ATIC: variants seen among roughly 807,000 people sequenced by gnomAD.
ATIC encodes 5-aminoimidazole-4-carboxamide ribonucleotide formyltransferase/IMP cyclohydrolase.
Under a neutral mutation model 72.5 loss-of-function variants are expected in ATIC, and 64 were observed. The ratio of observed to expected loss-of-function variants is 0.88; its 90% CI spans 0.72 to 1.09. ATIC has a LOEUF of 1.09. ATIC is among the 50% of genes least tolerant of loss of function. ATIC has a pLI of 0.00. For synonymous variants in ATIC, 281 were observed against 267.1 expected (o/e 1.05, Z -0.51); for missense variants, 787 against 732.4 (o/e 1.07, Z -0.86).
chr2:215,314,382 C>T (rs995471180), intron 2 of ATIC, among the ~76,000 whole-genome samples: 1 of 152,136 alleles, frequency 6.6e-6, no homozygotes, highest in African/African-American at 2.4e-5. Flanking sequence ...CTCTTATAGT[C>T]CTTATAACAA....
intron 13 of ATIC, chr2:215,345,338 TTAAAA>T: frequency 4.5e-6 from 1 of 221,866 alleles, no homozygotes; most frequent in East Asian, 1.1e-4. Context: ...AACTTCATCT[TTAAAA>T]AGTTAGGTTC....
chr2:215,312,980 C>T (rs893691431), intron 2 of ATIC, among the ~76,000 whole-genome samples: 2 of 152,108 alleles, frequency 1.3e-5, no homozygotes, highest in African/African-American at 4.8e-5. Context: ...GCCTGTAATC[C>T]CAGCTACTGG....
intron 4 of ATIC, among the ~76,000 whole-genome samples, chr2:215,323,880 T>C (rs893720633): frequency 6.6e-6 from 1 of 152,176 alleles, no homozygotes; most frequent in Admixed American, 6.5e-5. Flanking sequence ...TTTAAGTGAT[T>C]ATCTTGCTTC....
intron 13 of ATIC, 132 bp downstream of exon 13, chr2:215,345,003 G>T: frequency 2.0e-6 from 2 of 985,936 alleles, no homozygotes; most frequent in Non-Finnish European, 3.1e-6. Flanking sequence ...GTGTTTGTCA[G>T]TGTTTCCTCA....
chr2:215,355,290 C>T, the ATIC span, among the ~76,000 whole-genome samples: 7 of 152,084 alleles, frequency 4.6e-5, no homozygotes, highest in Admixed American at 3.9e-4. Context: ...TTCAATCATT[C>T]GAAACGTCAA....
At chr2:215,337,566 C>T (rs975741934) in intron 11 of ATIC, among the ~76,000 whole-genome samples, 1 of 152,134 alleles carries the variant, frequency 6.6e-6, no homozygotes, top group African/African-American at 2.4e-5. Flanking sequence ...AGGGTTTCAC[C>T]ATGTTGGCCA....
the ATIC span, among the ~76,000 whole-genome samples, chr2:215,356,163 G>A: frequency 6.6e-6 from 1 of 152,244 alleles, no homozygotes; most frequent in South Asian, 2.1e-4. Context: ...AAATATTGCG[G>A]GCACTTAAAA....
the ATIC span, among the ~76,000 whole-genome samples, chr2:215,368,482 T>C: frequency 4.6e-5 from 7 of 152,274 alleles, no homozygotes; most frequent in South Asian, 1.0e-3. Flanking sequence ...TCCTGGGGAA[T>C]CTTGTGAAGA....
intron 9 of ATIC, among the ~76,000 whole-genome samples, chr2:215,334,712 T>G (rs1290572843): frequency 6.6e-6 from 1 of 152,188 alleles, no homozygotes; most frequent in Non-Finnish European, 1.5e-5. Context: ...CAGAAAAAGT[T>G]TTCTGAGTGT....
rs2052916801 is a variant in ATIC, at chr2:215,333,389, A to T, written c.854A>T (p.Lys285Ile). The T allele has an allele frequency of 3.1e-6, 5 of 1,614,140 alleles. No individual in the cohort carries two copies. In the South Asian group the frequency reaches 5.5e-5, roughly 18 times the overall value. ...VGIPLSEDEA[K>I]VCMVYDLYKT... ...ATTCCACTCAGTGAAGATGAGGCCAAAGTCTGCATGGTTTATGATCTCTAT... is the reference window on the plus strand; with the variant it reads ...ATTCCACTCAGTGAAGATGAGGCCATAGTCTGCATGGTTTATGATCTCTAT... Residue 285 changes from lysine (K) to isoleucine (I), a missense_variant, in exon 9 of 16, where the codon AAA (lysine) becomes ATA (isoleucine). Transcript: ENST00000236959.
At chr2:215,351,552 C>T (rs773129073), downstream of ATIC, among the ~76,000 whole-genome samples, 2 of 152,066 alleles carry the variant, frequency 1.3e-5, no homozygotes, top group Non-Finnish European at 2.9e-5. Context: ...AGTTCAAGAC[C>T]AGCCTGGGCA....
intron 2 of ATIC, 63 bp downstream of exon 2, chr2:215,312,687 C>G: frequency 8.1e-6 from 13 of 1,611,806 alleles, no homozygotes; most frequent in Non-Finnish European, 1.1e-5. Flanking sequence ...GTATTGTATT[C>G]CAGGCACCAG....
At chr2:215,368,123 C>G in the ATIC span, 1 of 1,284,308 alleles carries the variant, frequency 7.8e-7, no homozygotes, top group African/African-American at 1.5e-5. Flanking sequence ...ATGACTTAAT[C>G]TAAAACAAGA....
At chr2:215,336,509 A>ATT (rs1355175195) in intron 11 of ATIC, among the ~76,000 whole-genome samples, 1 of 152,246 alleles carries the variant, frequency 6.6e-6, no homozygotes, top group Non-Finnish European at 1.5e-5. Flanking sequence ...TAGTAACAAT[A>ATT]TTTAATGGAA....
intron 8 of ATIC, 117 bp downstream of exon 8, chr2:215,332,624 C>A: frequency 7.6e-7 from 1 of 1,314,080 alleles, no homozygotes; most frequent in South Asian, 1.4e-5. Flanking sequence ...ATCTGAAAGT[C>A]ATCTGTTGAT....
chr2:215,338,858 G>A lies in ATIC; in HGVS notation c.1178G>A (p.Gly393Asp), dbSNP rs1342542437. Residue 393 changes from glycine to aspartate, a missense_variant, in exon 12 of 16, where the codon GGT (glycine) becomes GAT (aspartate). Coordinates refer to ENST00000236959, the MANE Select transcript of ATIC (RefSeq NM_004044.7). ...GLHLSQKRNN[G>D]VVDKSLFSNV... ...CATTTAAGCCAGAAGAGAAATAATG[G>A]TGTCGTCGACAAGTCATTATTTAGC... is the stretch of plus-strand genomic sequence containing the variant. 2 of 1,613,812 alleles carry A rather than the reference G, an allele frequency of 1.2e-6. No individual in the cohort carries two copies. Among genetic ancestry groups the A allele is most frequent in the Admixed American group, 1.7e-5 (1 of 60,012 alleles).
chr2:215,321,472 C>T (rs141006064), intron 4 of ATIC, among the ~76,000 whole-genome samples: 13 of 152,238 alleles, frequency 8.5e-5, no homozygotes, highest in African/African-American at 2.2e-4. Flanking sequence ...TGGACATACA[C>T]ATTCGTTTCA....
intron 7 of ATIC, among the ~76,000 whole-genome samples, chr2:215,327,555 T>C (rs2052842650): frequency 6.6e-6 from 1 of 152,198 alleles, no homozygotes. Context: ...AGAGAGGGTT[T>C]TTAAATGTGT....
At position 215,336,053 on chromosome 2, in the gene ATIC, G is replaced by T. The variant is rs761821880; in HGVS notation, c.1027G>T (p.Ala343Ser). 2 of 1,611,418 alleles carry T rather than the reference G, an allele frequency of 1.2e-6. No homozygotes were observed. The highest frequency in any genetic ancestry group is 1.1e-5 in the South Asian group (1 of 90,338). The change falls in exon 11 of 16, where the codon GCC becomes TCC. Residue 343 changes from alanine to serine, a missense_variant. By Grantham distance (99) the Ala-to-Ser change is moderately conservative (BLOSUM62 1). Coordinates refer to ENST00000236959, the MANE Select transcript of ATIC (RefSeq NM_004044.7). The part of the protein sequence containing the change: ...ISREVSDGII[A>S]PGYEEEALTI... ...TTTGCAGGTATCTGATGGTATAATT[G>T]CCCCAGGATATGAAGAAGAAGCCTT...
Sources: allele counts gnomAD v4.1 joint callset (sites outside exome capture counted in the v4.1 genomes callset), GRCh38; gene constraint gnomAD v4.1.1; transcripts MANE v1.5; gene names NCBI Gene and HGNC (gene_info 2026-07-23, HGNC 2026-07-21).